Variants in HDGFL2 observed in about 807,000 individuals in gnomAD.
The protein encoded by HDGFL2 is HDGF like 2.
Under a neutral mutation model 77.1 loss-of-function variants are expected in HDGFL2, and 36 were observed. The observed-to-expected ratio is 0.47, with a 90% CI of 0.36 to 0.62. The LOEUF is 0.62. HDGFL2 is among the 20% of genes least tolerant of loss of function. The pLI, the probability that HDGFL2 is intolerant of heterozygous loss-of-function variation, is 0.00. For synonymous variants in HDGFL2, 463 were observed against 413.1 expected (o/e 1.12, Z -1.46); for missense variants, 976 against 973.4 (o/e 1.00, Z -0.04).
At chr19:4,475,125 A>ATGCAGCTTCCCATCGGGAAGGGGC (rs1243913107) in intron 1 of HDGFL2, 150 bp from the exon 2 acceptor site, 2 of 659,164 alleles carry the variant, frequency 3.0e-6, no homozygotes, top group South Asian at 1.7e-5. Flanking sequence ...ACACAGAAGA[A>ATGCAGCTTCCCATCGGGAAGGGGC]TGCAGCTTCC....
chr19:4,489,563 C>T (rs949359523), intron 4 of HDGFL2, among the ~76,000 whole-genome samples: 1 of 152,034 alleles, frequency 6.6e-6, no homozygotes, highest in African/African-American at 2.4e-5. Context: ...ACCACCACGC[C>T]CGGCTAATTT....
intron 3 of HDGFL2, among the ~76,000 whole-genome samples, chr19:4,479,372 A>C (rs1003082020): frequency 3.3e-5 from 5 of 151,168 alleles, no homozygotes; most frequent in Admixed American, 6.6e-5. Flanking sequence ...TCACAAGGTC[A>C]GGTGATCGAG....
At position 4,491,585 on chromosome 19, in the gene HDGFL2, C is replaced by G; in HGVS notation, c.509C>G (p.Ala170Gly). The change falls in exon 5 of 16, where the codon GCC becomes GGC. Residue 170 changes from alanine (A) to glycine (G), a missense_variant. Physicochemically the swap from Ala to Gly is moderately conservative, Grantham distance 60. This residue lies in a region of HDGFL2 where 567 missense variants were observed against 534.7 expected (regional missense o/e 1.06). Coordinates refer to ENST00000616600, the MANE Select transcript of HDGFL2 (RefSeq NM_001001520.3). ...TTCCAGATGTCGGTCTCGAAACGAG[C>G]CCGAAAGGCCTCCAGCGACCTGGAT... ...PALKMSVSKRARKASSDLDQA... is the reference protein window; with the variant it reads ...PALKMSVSKRGRKASSDLDQA... 3 of 1,613,812 alleles carry G rather than the reference C, an allele frequency of 1.9e-6. No homozygotes were observed. Among genetic ancestry groups the G allele is most frequent in the Non-Finnish European group, 2.5e-6 (3 of 1,179,990 alleles).
At chr19:4,500,547 G>A (rs1217439566) in intron 14 of HDGFL2, among the ~76,000 whole-genome samples, 2 of 146,728 alleles carry the variant, frequency 1.4e-5, no homozygotes, top group East Asian at 2.0e-4. Context: ...TGCAAGCTCC[G>A]CCTCCTGGGT....
chr19:4,500,041 A>C (rs553633068), intron 14 of HDGFL2, among the ~76,000 whole-genome samples: 1 of 4,064 alleles, frequency 2.5e-4, no homozygotes, highest in Non-Finnish European at 6.8e-4. Flanking sequence ...AGCGGGGGCA[A>C]AGAGTGGGGG....
rs557103416 is a variant in HDGFL2 at position 4,483,148 on chromosome 19, T to C, written c.289-5528T>C. On this transcript the variant is annotated intron_variant, in intron 3 of 15. Transcript: ENST00000616600. ...CCTGACCTACTTAGTATTACCCTTT[T>C]TAATCTTGTCAAAAATTACACAGAC... Among the ~76,000 whole-genome samples the C allele has an allele frequency of 3.2e-4, 48 of 152,332 alleles. No individual in the cohort carries two copies. The South Asian group carries it at 9.3e-3, about 30-fold the overall frequency.
At chr19:4,493,301 GGT>G (rs553417620) in intron 6 of HDGFL2, among the ~76,000 whole-genome samples, 1 of 147,138 alleles carries the variant, frequency 6.8e-6, no homozygotes, top group South Asian at 2.1e-4. Flanking sequence ...GTGTGTGTGT[GGT>G]GTGTGTGTGG....
chr19:4,493,015 G>A (rs935188024), intron 6 of HDGFL2, among the ~76,000 whole-genome samples: 2 of 133,250 alleles, frequency 1.5e-5, no homozygotes, highest in Non-Finnish European at 3.2e-5. Flanking sequence ...TGTGTGGTGC[G>A]TGTGTGTTAT....
In HDGFL2 at chr19:4,472,418, C is replaced by T; in HGVS notation, c.68C>T (p.Ala23Val). The change falls in exon 1 of 16, where the codon GCC (alanine) becomes GTC (valine). Residue 23 changes from alanine to valine, a missense_variant. Physicochemically the swap from Ala to Val is moderately conservative, Grantham distance 64. Coordinates refer to ENST00000616600, the MANE Select transcript of HDGFL2 (RefSeq NM_001001520.3). Reference sequence around the variant, plus strand: ...ATGAAGGGCTACCCTCACTGGCCTGCCAGGGTGAGGCCGCGCGGGAGATGG... The same window carrying T: ...ATGAAGGGCTACCCTCACTGGCCTGTCAGGGTGAGGCCGCGCGGGAGATGG... The part of the protein sequence containing the change: ...AKMKGYPHWP[A>V]RIDDIADGAV... 8.2e-7 allele frequency: 1 copy of T among 1,226,198 alleles called. No individual in the cohort carries two copies. Among genetic ancestry groups the T allele is most frequent in the Admixed American group, 2.9e-5 (1 of 35,062 alleles). 76.0% of individuals were successfully genotyped at this position (1,226,198 alleles called of 1,614,324 possible). A position where few individuals can be genotyped will look rare whatever the true frequency, so the allele number is the denominator to read the frequency against.
chr19:4,478,704 C>G (rs1466229658), intron 3 of HDGFL2, among the ~76,000 whole-genome samples: 18 of 147,236 alleles, frequency 1.2e-4, no homozygotes, highest in Admixed American at 8.1e-4. Flanking sequence ...TTTTTTCAGA[C>G]GGTGTCTCAC....
chr19:4,496,841 G>A (rs914449538), intron 10 of HDGFL2: 2 of 394,822 alleles, frequency 5.1e-6, no homozygotes, highest in Middle Eastern at 9.2e-4. Flanking sequence ...CCCCTGTGGT[G>A]GGCAGACAGA....
At chr19:4,485,283 C>A (rs924609141) in intron 3 of HDGFL2, among the ~76,000 whole-genome samples, 2 of 152,208 alleles carry the variant, frequency 1.3e-5, no homozygotes, top group African/African-American at 4.8e-5. Flanking sequence ...TGTCTCACTT[C>A]TGTCAGCTGA....
At chr19:4,501,708 G>C (rs1403430906) in intron 15 of HDGFL2, 2 of 526,004 alleles carry the variant, frequency 3.8e-6, no homozygotes, top group Non-Finnish European at 6.6e-6. Flanking sequence ...GCTGCCTTGT[G>C]CTATGCCTGG....
chr19:4,476,599 T>C (rs1405801530), intron 3 of HDGFL2, among the ~76,000 whole-genome samples: 1 of 151,248 alleles, frequency 6.6e-6, no homozygotes. Flanking sequence ...TCACTGTTAC[T>C]GCCAGATTTT....
chr19:4,479,419 T>TA (rs372399866), intron 3 of HDGFL2, among the ~76,000 whole-genome samples: 52 of 145,038 alleles, frequency 3.6e-4, no homozygotes, highest in African/African-American at 1.1e-3. Flanking sequence ...CTGTCTCTAC[T>TA]AAAAAAAAAA....
At chr19:4,476,869 GC>G (rs1368040616) in intron 3 of HDGFL2, among the ~76,000 whole-genome samples, 1 of 151,856 alleles carries the variant, frequency 6.6e-6, no homozygotes. Flanking sequence ...TAACCACACT[GC>G]TTTTGAGGTT....
At chr19:4,496,088 C>G (rs1251592871) in intron 9 of HDGFL2, among the ~76,000 whole-genome samples, 1 of 152,140 alleles carries the variant, frequency 6.6e-6, no homozygotes, top group African/African-American at 2.4e-5. Context: ...GGGGCTGTTC[C>G]TCCACTGAAT....
At chr19:4,493,671 T>G (rs768979572) in intron 6 of HDGFL2, 32 bp from the exon 7 acceptor site, 6 of 1,415,242 alleles carry the variant, frequency 4.2e-6, no homozygotes, top group African/African-American at 2.9e-5. Context: ...GTGGGGCTCC[T>G]GATGCTCACG....
chr19:4,500,026 TG>T lies in HDGFL2; in HGVS notation c.1789+323del, dbSNP rs567704842. Among the ~76,000 whole-genome samples the T allele has an allele frequency of 1.3e-4, 14 of 104,622 alleles. No individual in the cohort carries two copies. In the East Asian group the frequency reaches 3.9e-3, roughly 29 times the overall value. 68.6% of individuals were successfully genotyped at this position (104,622 alleles called of 152,430 possible). ...GGACGCCCAGAGAGGGGGGTGGCTC[TG>T]TGCAGCGGGGGCAAAGAGTGGGGGC... On this transcript the variant is annotated intron_variant, in intron 14 of 15. Coordinates refer to ENST00000616600, the MANE Select transcript of HDGFL2 (RefSeq NM_001001520.3).
Sources: gnomAD v4.1 joint callset for allele counts (sites outside exome capture counted in the v4.1 genomes callset) on GRCh38, gnomAD v4.1.1 for gene constraint, gnomAD v4.1.1 regional missense constraint, MANE v1.5 for transcripts, NCBI Gene and HGNC (gene_info 2026-07-23, HGNC 2026-07-21) for gene names.